The following PFKFB1 variants were observed in gnomAD, a reference collection of about 807,000 sequenced individuals.
The protein encoded by PFKFB1 is 6-phosphofructo-2-kinase/fructose-2,6-bisphosphatase 1.
A neutral mutation model predicts 46.4 loss-of-function variants in PFKFB1; 34 were observed. The observed-to-expected ratio is 0.73, with a 90% confidence interval of 0.56 to 0.98. The LOEUF (loss-of-function observed/expected upper bound fraction) is 0.98. Among genes scored for constraint, PFKFB1 ranks in the 50% least tolerant of loss-of-function variants. The probability of loss-of-function intolerance (pLI) is 0.00; values close to 1 mark genes in which losing one functional copy is unlikely to be tolerated. For missense variants in PFKFB1, 393 were observed against 376.3 expected, an observed-to-expected ratio of 1.04 and a Z score of -0.37; for synonymous variants, 119 against 133.8, an observed-to-expected ratio of 0.89 and a Z score of 0.76.
At chrX:54,953,309 A>G (rs1446157602) in intron 7 of PFKFB1, among the ~76,000 whole-genome samples, 1 of 111,824 alleles carries the variant, frequency 8.9e-6, no homozygotes, top group Non-Finnish European at 1.9e-5. Context: ...TGGTTTCAGA[A>G]AGCCTCTCCC....
At chrX:54,958,406 T>TCAGCTCCTACCAAACATAA in intron 5 of PFKFB1, 44 bp from the exon 6 acceptor site, 1 of 859,972 alleles carries the variant, frequency 1.2e-6, no homozygotes, top group Non-Finnish European at 1.7e-6. Flanking sequence ...GAAATTATGT[T>TCAGCTCCTACCAAACATAA]TGGTAGGAGC....
chrX:54,958,752 T>C (rs1008752227), intron 5 of PFKFB1, 99 bp downstream of exon 5: 18 of 529,587 alleles, frequency 3.4e-5, no homozygotes, highest in Non-Finnish European at 5.8e-5. Context: ...GTTGAGCTTA[T>C]GGTTGCGGAT....
chrX:54,966,202 T>C (rs1934469305), intron 1 of PFKFB1, among the ~76,000 whole-genome samples: 1 of 112,026 alleles, frequency 8.9e-6, no homozygotes, highest in Non-Finnish European at 1.9e-5. Context: ...ACAAAACATA[T>C]ATAGTTGGGT....
chrX:54,946,269 A>G (rs1011501156), intron 9 of PFKFB1, among the ~76,000 whole-genome samples: 2 of 111,269 alleles, frequency 1.8e-5, no homozygotes, highest in South Asian at 7.7e-4. Flanking sequence ...ATGGTTTCAG[A>G]GTGGATTTGG....
rs766243598 is a variant in PFKFB1 at position 54,979,029 on chromosome X, T to C, written c.97+14882A>G. Among the ~76,000 whole-genome samples the C allele has an allele frequency of 7.1e-5, 8 of 111,917 alleles. No homozygotes were observed. The East Asian group carries it at 8.5e-4, about 12-fold the overall frequency. On this transcript the variant is annotated intron_variant, in intron 1 of 13. Coordinates refer to ENST00000375006, the MANE Select transcript of PFKFB1 (RefSeq NM_002625.4). ...AAACTGAAGAAGTCTGAATAAATTA[T>C]GTAGTTTAGTTAATAGTAACTTACC...
chrX:54,949,474 C>A (rs62626563), intron 8 of PFKFB1, among the ~76,000 whole-genome samples: 1,413 of 110,655 alleles, frequency 0.013, 11 homozygotes, highest in Non-Finnish European at 0.022. Flanking sequence ...TTGACGATTG[C>A]TCACCGAAGC....
intron 1 of PFKFB1, among the ~76,000 whole-genome samples, chrX:54,964,269 A>G (rs1365093909): frequency 9.0e-6 from 1 of 111,022 alleles, no homozygotes; most frequent in Non-Finnish European, 1.9e-5. Context: ...CCTGCCTAAG[A>G]CTGAGACTTA....
chrX:54,997,376 C>T, upstream of PFKFB1, among the ~76,000 whole-genome samples: 1 of 111,682 alleles, frequency 9.0e-6, no homozygotes, highest in South Asian at 3.8e-4. Context: ...CAAGATCAAG[C>T]TCTGACCTGC....
chrX:54,934,749 C>G (rs926788634), intron 12 of PFKFB1, among the ~76,000 whole-genome samples, 198 bp downstream of exon 12: 1 of 111,466 alleles, frequency 9.0e-6, no homozygotes, highest in Non-Finnish European at 1.9e-5. Context: ...AGAGCCAGCC[C>G]CAGATTTAGA....
At position 54,949,075 on chromosome X, in the gene PFKFB1, C is replaced by G; in HGVS notation, c.993G>C (p.Ala331=). ...AGGAGATTCACCCCATGCATCTCACCGCATCAATCTCATTCAGGGCCTTCC... is the reference window on the plus strand; with the variant it reads ...AGGAGATTCACCCCATGCATCTCACGGCATCAATCTCATTCAGGGCCTTCC... ...EQWKALNEID[A]GVCEEMTYEE... The change falls in exon 9 of 14, where the codon GCG becomes GCC. Residue 331 remains alanine, a splice_region_variant and synonymous_variant. Coordinates refer to ENST00000375006, the MANE Select transcript of PFKFB1 (RefSeq NM_002625.4). The G allele has an allele frequency of 8.3e-7, 1 of 1,210,446 alleles. No homozygotes were observed. Among genetic ancestry groups the G allele is most frequent in the Middle Eastern group, 2.3e-4 (1 of 4,351 alleles).
intron 1 of PFKFB1, among the ~76,000 whole-genome samples, chrX:54,982,790 C>CA (rs1467321715): frequency 9.0e-6 from 1 of 110,785 alleles, no homozygotes; most frequent in Non-Finnish European, 1.9e-5. Flanking sequence ...GAATAAAATT[C>CA]AAAAAATCAA....
intron 1 of PFKFB1, among the ~76,000 whole-genome samples, chrX:54,989,058 T>C (rs1935176290): frequency 9.0e-6 from 1 of 111,385 alleles, no homozygotes; most frequent in South Asian, 3.7e-4. Flanking sequence ...AGTAGATTAG[T>C]GGTTGCCAGG....
At chrX:54,943,835 G>A (rs985792683) in intron 10 of PFKFB1, among the ~76,000 whole-genome samples, 2 of 110,883 alleles carry the variant, frequency 1.8e-5, no homozygotes, top group Non-Finnish European at 3.8e-5. Context: ...AACTCAGAGG[G>A]AAGATTTGAG....
upstream of PFKFB1, chrX:54,994,471 A>G (rs1468307909): frequency 1.3e-6 from 1 of 752,899 alleles, no homozygotes; most frequent in East Asian, 1.5e-4. Context: ...GGTAGGTCTC[A>G]GCGGCTTTCC....
chrX:54,996,094 T>C (rs1365432022), upstream of PFKFB1, among the ~76,000 whole-genome samples: 1 of 112,281 alleles, frequency 8.9e-6, no homozygotes, highest in Non-Finnish European at 1.9e-5. Flanking sequence ...GCCAGGGCTT[T>C]TCTTTAATTA....
At chrX:54,945,402 A>G in intron 10 of PFKFB1, 37 bp downstream of exon 10, 1 of 769,299 alleles carries the variant, frequency 1.3e-6, no homozygotes, top group Non-Finnish European at 2.0e-6. Context: ...GACACTGGGG[A>G]GTAGTCCTAG....
At chrX:54,949,249 A>G in intron 8 of PFKFB1, 28 bp from the exon 9 acceptor site, 1 of 1,155,149 alleles carries the variant, frequency 8.7e-7, no homozygotes, top group Non-Finnish European at 1.2e-6. Context: ...AGAGGAGGAG[A>G]GAAGGGGAAA....
intron 9 of PFKFB1, among the ~76,000 whole-genome samples, chrX:54,946,197 A>C (rs964175365): frequency 9.0e-6 from 1 of 111,032 alleles, no homozygotes; most frequent in African/African-American, 3.3e-5. Context: ...CTACTTTGGG[A>C]ACTCTGGCAG....
chrX:54,988,136 C>T lies in PFKFB1; in HGVS notation c.97+5775G>A, dbSNP rs754674195. Among the ~76,000 whole-genome samples, 5 of 111,402 alleles carry T rather than the reference C, an allele frequency of 4.5e-5. No individual in the cohort carries two copies. In the Admixed American group the frequency reaches 4.8e-4, roughly 11 times the overall value. On this transcript the variant is annotated intron_variant, in intron 1 of 13. Coordinates refer to ENST00000375006, the MANE Select transcript of PFKFB1 (RefSeq NM_002625.4). ...ACACCATTGGACCTAATAAATGAGT[C>T]CAGCAATGTTGCAGAATATAAGATC...
Sources: allele counts gnomAD v4.1 joint callset (sites outside exome capture counted in the v4.1 genomes callset), GRCh38; gene constraint gnomAD v4.1.1; transcripts MANE v1.5; gene names NCBI Gene and HGNC (gene_info 2026-07-23, HGNC 2026-07-21).